The following EGLN1 variants were observed in gnomAD, a reference collection of about 807,000 sequenced individuals.
EGLN1 encodes the protein egl nine homolog 1.
EGLN1 carries 17 observed loss-of-function variants against 38.3 expected under a neutral mutation model. The ratio of observed to expected loss-of-function variants is 0.44; its 90% CI spans 0.30 to 0.67. The LOEUF is 0.67. Ranked by LOEUF, EGLN1 falls within the 30% of genes least tolerant of loss-of-function variation. The probability of loss-of-function intolerance (pLI) is 0.08; values close to 1 mark genes in which losing one functional copy is unlikely to be tolerated. For missense variants in EGLN1, 477 were observed against 603.3 expected (o/e 0.79, Z 2.19); for synonymous variants, 283 against 257.5 (o/e 1.10, Z -0.95).
At chr1:231,369,672 T>C (rs1290209098) in intron 3 of EGLN1, 2 of 861,072 alleles carry the variant, frequency 2.3e-6, no homozygotes, top group African/African-American at 3.7e-5. Context: ...AATCAAGTCG[T>C]TAGAGTCAAC....
chr1:231,415,031 G>T (rs1031974920), intron 1 of EGLN1, among the ~76,000 whole-genome samples: 1 of 152,124 alleles, frequency 6.6e-6, no homozygotes, highest in Non-Finnish European at 1.5e-5. Context: ...AGCACTTTGG[G>T]AGACCAAGGC....
chr1:231,414,872 A>T (rs571036985), intron 1 of EGLN1, among the ~76,000 whole-genome samples: 10 of 151,662 alleles, frequency 6.6e-5, no homozygotes, highest in African/African-American at 2.4e-4. Flanking sequence ...AGAAGCTGGG[A>T]CTACAGACAT....
At chr1:231,377,065 T>G (rs778445878) in intron 1 of EGLN1, among the ~76,000 whole-genome samples, 25 of 152,204 alleles carry the variant, frequency 1.6e-4, no homozygotes, top group Non-Finnish European at 3.2e-4. Flanking sequence ...GTTTTGAGAA[T>G]ATCAGTTTCA....
At chr1:231,367,034 G>A (rs182302429) in intron 4 of EGLN1, among the ~76,000 whole-genome samples, 1 of 152,176 alleles carries the variant, frequency 6.6e-6, no homozygotes, top group African/African-American at 2.4e-5. Context: ...CATAATTAAA[G>A]GATCTTCAGG....
chr1:231,392,318 T>G (rs192671402), intron 1 of EGLN1, among the ~76,000 whole-genome samples: 67 of 152,066 alleles, frequency 4.4e-4, no homozygotes, highest in Admixed American at 4.4e-3. Context: ...TAAAAATAAA[T>G]AAAGCACAAA....
chr1:231,383,057 CAAAAAAAAAAAAAAA>C (rs547747077), intron 1 of EGLN1, among the ~76,000 whole-genome samples: 4 of 70,562 alleles, frequency 5.7e-5, no homozygotes, highest in Admixed American at 3.8e-4. Context: ...AACTCTGTCT[CAAAAAAAAAAAAAAA>C]AAAAAAAAAA....
chr1:231,419,480 C>A (rs1049806782), intron 1 of EGLN1, among the ~76,000 whole-genome samples: 1 of 152,220 alleles, frequency 6.6e-6, no homozygotes. Flanking sequence ...TCAGTCTTCA[C>A]AGCCCTATTG....
chr1:231,365,409 C>T lies in EGLN1; in HGVS notation c.*1002G>A, dbSNP rs1417546065. 1 of 152,166 alleles carries T rather than the reference C, an allele frequency of 6.6e-6. No homozygotes were observed. The highest frequency in any genetic ancestry group is 2.4e-5 in the African/African-American group (1 of 41,440). 9.4% of individuals were successfully genotyped at this position (152,166 alleles called of 1,614,324 possible). On this transcript the variant is annotated 3_prime_UTR_variant, in exon 5 of 5. Transcript: ENST00000366641. ...TCTCAAGTTCACTTAGTGCCAGTCA[C>T]TTTAGTTTTTTAAAAAATTTAACTT...
In EGLN1 at chr1:231,363,952, T is replaced by C. The variant is rs1156771249; in HGVS notation, c.*2459A>G. The C allele has an allele frequency of 6.6e-6, 1 of 152,230 alleles. No homozygotes were observed. Among genetic ancestry groups the C allele is most frequent in the Non-Finnish European group, 1.5e-5 (1 of 68,036 alleles). 9.4% of individuals were successfully genotyped at this position (152,230 alleles called of 1,614,324 possible). ...AATGTGTTGAATAAAAACAGCATTA[T>C]GAAGCTTTATCTTTAACCAGGATTA... is the stretch of plus-strand genomic sequence containing the variant. On this transcript the variant is annotated 3_prime_UTR_variant, in exon 5 of 5. Transcript: ENST00000366641.
Position 231,420,899 on chromosome 1 carries a change from T to C in EGLN1, c.891+99A>G, listed in dbSNP as rs995582751. On this transcript the variant is annotated intron_variant, in intron 1 of 4. Coordinates refer to ENST00000366641, the MANE Select transcript of EGLN1 (RefSeq NM_022051.3). ...CAAGAAAGAGCGAGTCCCTTCTATA[T>C]AGAGGAATGCTGCTTCTCAGCCTAG... is the stretch of plus-strand genomic sequence containing the variant. 12 of 1,608,686 alleles carry C rather than the reference T, an allele frequency of 7.5e-6. No homozygotes were observed. The Admixed American group carries it at 8.3e-5, about 11-fold the overall frequency.
At chr1:231,410,938 G>A (rs1362286953) in intron 1 of EGLN1, among the ~76,000 whole-genome samples, 9 of 152,018 alleles carry the variant, frequency 5.9e-5, no homozygotes. Flanking sequence ...ACAGAAATTG[G>A]TAGAAGACAT....
chr1:231,393,091 T>A (rs1688435053), intron 1 of EGLN1, among the ~76,000 whole-genome samples: 1 of 152,254 alleles, frequency 6.6e-6, no homozygotes, highest in East Asian at 1.9e-4. Flanking sequence ...CTCCATGATG[T>A]AATGCTGAAA....
At chr1:231,418,451 T>C (rs565982206) in intron 1 of EGLN1, among the ~76,000 whole-genome samples, 1 of 152,358 alleles carries the variant, frequency 6.6e-6, no homozygotes, top group Admixed American at 6.5e-5. Flanking sequence ...GGGTTTGATA[T>C]CTGAATGACT....
chr1:231,395,893 T>C (rs1474490686), intron 1 of EGLN1, among the ~76,000 whole-genome samples: 1 of 152,094 alleles, frequency 6.6e-6, no homozygotes, highest in Admixed American at 6.5e-5. Context: ...GACACATTAA[T>C]GTAGACCAGA....
At position 231,421,044 on chromosome 1, in the gene EGLN1, T is replaced by C. The variant is rs755340236; in HGVS notation, c.845A>G (p.His282Arg). ...LMSSMDDLIRHCNGKLGSYKI... is the reference protein window; with the variant it reads ...LMSSMDDLIRRCNGKLGSYKI... ...GTAGCTGCCCAGCTTCCCGTTACAG[T>C]GGCGTATCAGGTCGTCCATGCTGCT... Residue 282 changes from histidine to arginine, a missense_variant, in exon 1 of 5, where the codon CAC (histidine) becomes CGC (arginine). By Grantham distance (29) the His-to-Arg change is conservative. Coordinates refer to ENST00000366641, the MANE Select transcript of EGLN1 (RefSeq NM_022051.3). The surrounding 1 kb of genome is among the most constrained non-coding windows in gnomAD (Gnocchi z 5.5). 5 of 1,613,928 alleles carry C rather than the reference T, an allele frequency of 3.1e-6. No individual in the cohort carries two copies. Among genetic ancestry groups the C allele is most frequent in the Non-Finnish European group, 4.2e-6 (5 of 1,180,026 alleles).
At chr1:231,417,971 A>C (rs1162297654) in intron 1 of EGLN1, among the ~76,000 whole-genome samples, 4 of 152,230 alleles carry the variant, frequency 2.6e-5, no homozygotes, top group Non-Finnish European at 4.4e-5. Context: ...CAACAAGTGA[A>C]CTAACTTTTC....
intron 1 of EGLN1, among the ~76,000 whole-genome samples, chr1:231,391,085 T>TCTG (rs1558387067): frequency 1.8e-5 from 1 of 55,138 alleles, no homozygotes; most frequent in African/African-American, 6.2e-5. Context: ...CTCATTCTGT[T>TCTG]TTTTTTTTGT....
chr1:231,397,015 C>G (rs1294791605), intron 1 of EGLN1, among the ~76,000 whole-genome samples: 1 of 152,156 alleles, frequency 6.6e-6, no homozygotes, highest in Admixed American at 6.5e-5. Context: ...TATCTCCCTC[C>G]CTCCAGAATT....
At chr1:231,391,270 G>A (rs1253784619) in intron 1 of EGLN1, among the ~76,000 whole-genome samples, 1 of 144,376 alleles carries the variant, frequency 6.9e-6, no homozygotes, top group Non-Finnish European at 1.5e-5. Flanking sequence ...TTAAAATAAG[G>A]AACCTGGACT....
Sources: gnomAD v4.1 joint callset for allele counts (sites outside exome capture counted in the v4.1 genomes callset) on GRCh38, gnomAD v4.1.1 for gene constraint, Gnocchi (gnomAD v3.1) non-coding constraint, MANE v1.5 for transcripts, NCBI Gene and HGNC (gene_info 2026-07-23, HGNC 2026-07-21) for gene names.